The following ATG16L2 variants were observed in gnomAD, a reference collection of about 807,000 sequenced individuals.
The protein encoded by ATG16L2 is autophagy related 16 like 2, also known as protein Atg16l2.
A neutral mutation model predicts 84.7 loss-of-function variants in ATG16L2; 77 were observed. The ratio of observed to expected loss-of-function variants is 0.91; its 90% confidence interval spans 0.76 to 1.10. ATG16L2 has a LOEUF of 1.10. ATG16L2 is among the 50% of genes least tolerant of loss of function. The pLI is 0.00. For synonymous variants in ATG16L2, 361 were observed against 342.8 expected (o/e 1.05, Z -0.59); for missense variants, 782 against 817.6 (o/e 0.96, Z 0.53).
intron 14 of ATG16L2, among the ~76,000 whole-genome samples, chr11:72,827,596 C>G (rs1322658225): frequency 6.6e-6 from 1 of 152,212 alleles, no homozygotes; most frequent in African/African-American, 2.4e-5. Flanking sequence ...ATTCTTTTAG[C>G]TGTTTTTTAA....
rs550282039 is a variant in ATG16L2, at chr11:72,843,610, G to A, written c.*1015G>A. 36 of 897,798 alleles carry A rather than the reference G, an allele frequency of 4.0e-5. No homozygotes were observed. The South Asian group carries it at 5.1e-4, about 13-fold the overall frequency. The allele number at this position is 897,798 out of a possible 1,614,324, so 55.6% of individuals were successfully genotyped here. The stretch of plus-strand genomic sequence containing the variant: ...ATGTGAGCTGATCATGACAAAAACT[G>A]GGGATCAAAATATTGAAATGATTTT... On this transcript the variant is annotated 3_prime_UTR_variant, in exon 6 of 6. Transcript: ENST00000534905.
chr11:72,830,594 C>T (rs906454135), downstream of ATG16L2, among the ~76,000 whole-genome samples: 10 of 152,184 alleles, frequency 6.6e-5, no homozygotes, highest in African/African-American at 2.2e-4. Flanking sequence ...CTGGTCTTCC[C>T]GAAGGGCTGG....
In ATG16L2 at chr11:72,824,857, G is replaced by C; in HGVS notation, c.996+15G>C. On this transcript the variant is annotated intron_variant, in intron 9 of 17. Coordinates refer to ENST00000321297, the MANE Select transcript of ATG16L2 (RefSeq NM_033388.2). The stretch of plus-strand genomic sequence containing the variant: ...AGGATGTGCTGGTAAGGGAGGAGCT[G>C]AGCCACATGGGTGGGGCAGTGGTGA... 1 of 1,567,050 alleles carries C rather than the reference G, an allele frequency of 6.4e-7. No individual in the cohort carries two copies. The highest frequency in any genetic ancestry group is 8.6e-7 in the Non-Finnish European group (1 of 1,156,252).
At chr11:72,821,952 A>T in intron 4 of ATG16L2, 92 bp from the exon 5 acceptor site, 2 of 1,432,684 alleles carry the variant, frequency 1.4e-6, no homozygotes, top group Non-Finnish European at 1.8e-6. Flanking sequence ...CGCGTTTGGC[A>T]TGGGCAGGTC....
At chr11:72,830,015 T>C (rs1860571221), downstream of ATG16L2, among the ~76,000 whole-genome samples, 2 of 152,042 alleles carry the variant, frequency 1.3e-5, no homozygotes, top group Admixed American at 6.5e-5. Context: ...GGTAGTGATA[T>C]CAAAGTCCTT....
At chr11:72,819,927 A>G (rs928874515) in intron 3 of ATG16L2, among the ~76,000 whole-genome samples, 25 of 151,980 alleles carry the variant, frequency 1.6e-4, no homozygotes, top group African/African-American at 5.1e-4. Context: ...TTGTATTTTT[A>G]GTAGAGATGG....
chr11:72,830,660 G>A (rs1406921534), downstream of ATG16L2, among the ~76,000 whole-genome samples: 3 of 152,312 alleles, frequency 2.0e-5, no homozygotes, highest in Admixed American at 1.3e-4. Context: ...CTAGGGTGTC[G>A]TGTTCACAAG....
chr11:72,843,227 C>T lies in ATG16L2; in HGVS notation c.*632C>T, dbSNP rs1454945694. 8 of 1,613,872 alleles carry T rather than the reference C, an allele frequency of 5.0e-6. No homozygotes were observed. In the South Asian group the frequency reaches 7.7e-5, roughly 16 times the overall value. ...TGCTGGACGTGTGTGACCGACTGTC[C>T]AAAGCGGCCAGGGACTGCAGCATGC... On this transcript the variant is annotated 3_prime_UTR_variant, in exon 6 of 6. Coordinates refer to the ATG16L2 transcript ENST00000534905.
chr11:72,843,160 C>G, exon 6 of ATG16L2: 1 of 1,613,990 alleles, frequency 6.2e-7, no homozygotes, highest in Non-Finnish European at 8.5e-7. Flanking sequence ...CCACTGGCAT[C>G]TCCGTTGAGG....
intron 5 of ATG16L2, chr11:72,841,579 G>A: frequency 3.1e-6 from 5 of 1,600,420 alleles, no homozygotes; most frequent in South Asian, 2.2e-5. Flanking sequence ...GGGGGAAGGA[G>A]AGATCTGCAG....
At chr11:72,829,257 C>T (rs749598015) in intron 17 of ATG16L2, 46 bp from the exon 18 acceptor site, 13 of 1,593,908 alleles carry the variant, frequency 8.2e-6, no homozygotes, top group Middle Eastern at 1.7e-4. Context: ...AGGTTGCAGG[C>T]GCAGTTCCTG....
chr11:72,825,322 CAA>C lies in ATG16L2; in HGVS notation c.1018_1019del (p.Asn340CysfsTer17). 1 of 1,613,570 alleles carries C rather than the reference CAA, an allele frequency of 6.2e-7. No individual in the cohort carries two copies. The highest frequency in any genetic ancestry group is 8.5e-7 in the Non-Finnish European group (1 of 1,179,966). On this transcript the variant is annotated frameshift_variant, in exon 10 of 18. Coordinates refer to ENST00000321297, the MANE Select transcript of ATG16L2 (RefSeq NM_033388.2). LOFTEE classifies it high-confidence loss of function. ...CACAGGATGCCCACCTCTCTGAGGT[CAA>C]TGCTGTTCGTTTTGGCCCCAACAGC... ...DVLDAHLSEV[N>X]AVRFGPNSSL...
In ATG16L2 at chr11:72,842,570, A is replaced by G. The variant is rs913325125; in HGVS notation, c.*22-47A>G. Reference sequence around the variant, plus strand: ...TGTGTGGATCCACAGACCCTTTGGGAGCAATTTTCTTTAAACATCTTTTAA... The same window carrying G: ...TGTGTGGATCCACAGACCCTTTGGGGGCAATTTTCTTTAAACATCTTTTAA... On this transcript the variant is annotated intron_variant, in intron 5 of 5. Transcript: ENST00000534905. The G allele has an allele frequency of 1.9e-6, 3 of 1,608,530 alleles. No homozygotes were observed. The African/African-American group carries it at 4.0e-5, about 22-fold the overall frequency.
chr11:72,821,309 G>C, intron 3 of ATG16L2: 1 of 1,047,506 alleles, frequency 9.5e-7, no homozygotes, highest in Non-Finnish European at 1.2e-6. Context: ...GCCTCTGCGC[G>C]AGGAGTCCTC....
In ATG16L2 at chr11:72,826,195, C is replaced by A; in HGVS notation, c.1125C>A (p.Thr375=). 3 of 1,613,820 alleles carry A rather than the reference C, an allele frequency of 1.9e-6. No individual in the cohort carries two copies. Among genetic ancestry groups the A allele is most frequent in the African/African-American group, 2.7e-5 (2 of 75,040 alleles). Residue 375 remains threonine (T), a synonymous_variant, in exon 11 of 18, where the codon ACC becomes ACA. Transcript: ENST00000321297. The stretch of plus-strand genomic sequence containing the variant: ...CAGGTCGCCTGGAGGCCAACCAGAC[C>A]CTGGAGGGAGCTGGTGGCAGCATCA... ...VVGSRLEANQ[T]LEGAGGSITS... is the part of the protein sequence containing the mutation.
At chr11:72,838,716 G>A (rs1269639845) in intron 5 of ATG16L2, 18 of 1,212,330 alleles carry the variant, frequency 1.5e-5, no homozygotes, top group Non-Finnish European at 2.1e-5. Context: ...TCATGCAAAG[G>A]TGCCTAAAAA....
Position 72,814,456 on chromosome 11 carries a change from C to A in ATG16L2, c.11C>A (p.Pro4Gln). The A allele has an allele frequency of 6.7e-7, 1 of 1,503,744 alleles. No homozygotes were observed. The allele number at this position is 1,503,744 out of a possible 1,614,324, so 93.2% of individuals were successfully genotyped here. ...CGGGAGAGCGCGGCCATGGCGGGGC[C>A]GGGCGTCCCCGGTGCCCCCGCAGCG... is the stretch of plus-strand genomic sequence containing the variant. MAG[P>Q]GVPGAPAARW... Residue 4 changes from proline (P) to glutamine (Q), a missense_variant, in exon 1 of 18, where the codon CCG (proline) becomes CAG (glutamine). Physicochemically the swap from Pro to Gln is moderately conservative, Grantham distance 76 (BLOSUM62 -1). Coordinates refer to ENST00000321297, the MANE Select transcript of ATG16L2 (RefSeq NM_033388.2).
intron 7 of ATG16L2, chr11:72,823,271 C>A: frequency 2.8e-6 from 1 of 358,612 alleles, no homozygotes; most frequent in Non-Finnish European, 5.2e-6. Flanking sequence ...AAGCCCAGAG[C>A]CCAGTCATGC....
At chr11:72,832,833 C>G (rs1860636404), downstream of ATG16L2, among the ~76,000 whole-genome samples, 1 of 152,194 alleles carries the variant, frequency 6.6e-6, no homozygotes, top group Non-Finnish European at 1.5e-5. Context: ...TTCTGGAGGC[C>G]TAGTTCTAGG....
Sources: allele counts gnomAD v4.1 joint callset (sites outside exome capture counted in the v4.1 genomes callset), GRCh38; gene constraint gnomAD v4.1.1; transcripts MANE v1.5; gene names NCBI Gene and HGNC (gene_info 2026-07-23, HGNC 2026-07-21).